CA10: variants seen among roughly 807,000 people sequenced by gnomAD.
CA10 encodes carbonic anhydrase-related protein 10.
CA10 carries 14 observed loss-of-function variants against 44.2 expected under a neutral mutation model. The observed-to-expected ratio is 0.32, with a 90% CI of 0.21 to 0.50. The LOEUF (loss-of-function observed/expected upper bound fraction) is 0.50. Among genes scored for constraint, CA10 ranks in the 20% least tolerant of loss-of-function variants. CA10 has a pLI of 0.99. For synonymous variants in CA10, 159 were observed against 141.6 expected (o/e 1.12, Z -0.87); for missense variants, 350 against 409.7 (o/e 0.85, Z 1.26).
chr17:52,157,206 A>G (rs966837413), intron 1 of CA10, among the ~76,000 whole-genome samples: 2 of 152,062 alleles, frequency 1.3e-5, no homozygotes, highest in African/African-American at 2.4e-5. Context: ...AAGCATCACA[A>G]TCAGTCCTGA....
At chr17:51,702,926 G>A (rs1025200993) in intron 4 of CA10, among the ~76,000 whole-genome samples, 1 of 152,274 alleles carries the variant, frequency 6.6e-6, no homozygotes. Context: ...TATCTCTGGT[G>A]GCTCCCTTAC....
intron 3 of CA10, among the ~76,000 whole-genome samples, chr17:51,911,531 G>A (rs1282698730): frequency 3.9e-5 from 6 of 152,102 alleles, no homozygotes; most frequent in Non-Finnish European, 7.4e-5. Context: ...TATTTGGTCT[G>A]CCAAGCAGGA....
intron 3 of CA10, among the ~76,000 whole-genome samples, chr17:51,925,818 A>G (rs1567887704): frequency 6.6e-6 from 1 of 152,190 alleles, no homozygotes; most frequent in Non-Finnish European, 1.5e-5. Context: ...CATTATGCTC[A>G]GTGAAATAAG....
intron 1 of CA10, among the ~76,000 whole-genome samples, chr17:52,147,522 TAC>T (rs1258942972): frequency 6.7e-6 from 1 of 148,388 alleles, no homozygotes; most frequent in Non-Finnish European, 1.5e-5. Flanking sequence ...CACTAACTTA[TAC>T]ACTTAAAATT....
rs1253062735 is a variant in CA10 at position 51,949,154 on chromosome 17, C to T, written c.137-18022G>A. Among the ~76,000 whole-genome samples the T allele has an allele frequency of 2.0e-5, 3 of 152,146 alleles. No homozygotes were observed. The East Asian group carries it at 5.8e-4, about 29-fold the overall frequency. ...GGGGCAGCAGGATTTTTCTTCTGCCCAATATTTAGTTGGGATTGCAATAAC... is the reference window on the plus strand; with the variant it reads ...GGGGCAGCAGGATTTTTCTTCTGCCTAATATTTAGTTGGGATTGCAATAAC... On this transcript the variant is annotated intron_variant, in intron 2 of 8. Coordinates refer to ENST00000451037, the MANE Select transcript of CA10 (RefSeq NM_020178.5).
At position 51,936,022 on chromosome 17, in the gene CA10, C is replaced by A. The variant is rs971916121; in HGVS notation, c.137-4890G>T. Reference sequence around the variant, plus strand: ...AGCCAGCAGAATTTGCTGCTGTGGGCAGGATATTAGGCACTTGGAATAAGT... The same window carrying A: ...AGCCAGCAGAATTTGCTGCTGTGGGAAGGATATTAGGCACTTGGAATAAGT... On this transcript the variant is annotated intron_variant, in intron 2 of 8. Transcript: ENST00000451037. Among the ~76,000 whole-genome samples, 25 of 152,202 alleles carry A rather than the reference C, an allele frequency of 1.6e-4. No individual in the cohort carries two copies. In the South Asian group the frequency reaches 2.1e-3, roughly 13 times the overall value.
intron 2 of CA10, among the ~76,000 whole-genome samples, chr17:51,978,744 A>G (rs1984549084): frequency 6.6e-6 from 1 of 152,024 alleles, no homozygotes; most frequent in Admixed American, 6.6e-5. Context: ...ATGTAAAGCT[A>G]TTTGTTGCTC....
rs545840946 is a variant in CA10, at chr17:52,077,932, T to A, written c.62-5539A>T. Among the ~76,000 whole-genome samples, 14 of 152,290 alleles carry A rather than the reference T, an allele frequency of 9.2e-5. No homozygotes were observed. In the South Asian group the frequency reaches 2.9e-3, roughly 32 times the overall value. ...ACAATATCTTGATCCCCTTTTGTTCTTCCCACAAGTCCATAAACTCTCTCA... is the reference window on the plus strand; with the variant it reads ...ACAATATCTTGATCCCCTTTTGTTCATCCCACAAGTCCATAAACTCTCTCA... On this transcript the variant is annotated intron_variant, in intron 1 of 8. Transcript: ENST00000451037.
chr17:52,072,536 TCC>T (rs1426812401), intron 1 of CA10, 143 bp from the exon 2 acceptor site: 10 of 407,628 alleles, frequency 2.5e-5, no homozygotes, highest in Non-Finnish European at 4.1e-5. Context: ...CCTTCTCCCT[TCC>T]CTTTTTTTTT....
chr17:51,798,274 C>A (rs983776893), intron 3 of CA10, among the ~76,000 whole-genome samples: 1 of 152,200 alleles, frequency 6.6e-6, no homozygotes, highest in Non-Finnish European at 1.5e-5. Context: ...TAGGTGGGCA[C>A]CTCAAGGCGC....
chr17:51,742,770 G>C (rs1904514802), intron 4 of CA10, among the ~76,000 whole-genome samples: 2 of 152,190 alleles, frequency 1.3e-5, no homozygotes, highest in Admixed American at 1.3e-4. Flanking sequence ...CCCTCTCTCA[G>C]ATGTGTTTTG....
chr17:51,837,870 T>C (rs57694259), intron 3 of CA10, among the ~76,000 whole-genome samples: 12,293 of 152,220 alleles, frequency 0.081, 643 homozygotes, highest in African/African-American at 0.15. Flanking sequence ...AAAAATGCAA[T>C]ATAACATCTG....
chr17:51,631,745 T>C, intron 8 of CA10, 139 bp from the exon 9 acceptor site: 1 of 718,712 alleles, frequency 1.4e-6, no homozygotes. Flanking sequence ...CTTATATGCA[T>C]TCCAACTACT....
At chr17:52,115,186 G>A (rs1284045615) in intron 1 of CA10, among the ~76,000 whole-genome samples, 5 of 152,152 alleles carry the variant, frequency 3.3e-5, no homozygotes, top group African/African-American at 1.2e-4. Context: ...CTGCGAGGTG[G>A]GAGCCTATTG....
chr17:52,133,683 C>CT (rs1567744166), intron 1 of CA10, among the ~76,000 whole-genome samples: 1 of 152,202 alleles, frequency 6.6e-6, no homozygotes, highest in Non-Finnish European at 1.5e-5. Flanking sequence ...GCCATACCCT[C>CT]TTCTGGCCTC....
intron 1 of CA10, among the ~76,000 whole-genome samples, chr17:52,100,879 A>G (rs1322056587): frequency 6.6e-6 from 1 of 152,176 alleles, no homozygotes; most frequent in African/African-American, 2.4e-5. Context: ...ACTGTATTAT[A>G]GCTTTGGTAG....
chr17:52,059,062 C>T lies in CA10; in HGVS notation c.136+13257G>A, dbSNP rs563487451. Among the ~76,000 whole-genome samples the T allele has an allele frequency of 2.6e-5, 4 of 152,208 alleles. No homozygotes were observed. In the South Asian group the frequency reaches 8.3e-4, roughly 32 times the overall value. ...GAGGGTGAGTCAGTGTAACATCACC[C>T]TCTCATACTGAGAGAATATATCCAT... On this transcript the variant is annotated intron_variant, in intron 2 of 8. Coordinates refer to ENST00000451037, the MANE Select transcript of CA10 (RefSeq NM_020178.5).
intron 4 of CA10, among the ~76,000 whole-genome samples, chr17:51,706,860 A>G (rs1915777382): frequency 1.3e-5 from 2 of 151,992 alleles, no homozygotes; most frequent in African/African-American, 2.4e-5. Flanking sequence ...TGGCCTTTCC[A>G]TCTCCTTTAG....
At chr17:51,779,556 G>A (rs1905963249) in intron 3 of CA10, among the ~76,000 whole-genome samples, 1 of 152,132 alleles carries the variant, frequency 6.6e-6, no homozygotes, top group East Asian at 1.9e-4. Flanking sequence ...TGCTTTCCTG[G>A]AATTACCCTT....
Sources: allele counts gnomAD v4.1 joint callset (sites outside exome capture counted in the v4.1 genomes callset), GRCh38; gene constraint gnomAD v4.1.1; transcripts MANE v1.5; gene names NCBI Gene and HGNC (gene_info 2026-07-23, HGNC 2026-07-21).